The following NME9 variants were observed in gnomAD, a reference collection of about 807,000 sequenced individuals.
The protein encoded by NME9 is NME/NM23 family member 9.
A neutral mutation model predicts 44.4 loss-of-function variants in NME9; 48 were observed. That is an observed-to-expected ratio of 1.08 (90% confidence interval 0.86 to 1.37). The LOEUF (loss-of-function observed/expected upper bound fraction) is 1.37, where lower values mean the gene tolerates loss of function less well. Among genes scored for constraint, NME9 ranks in the 40% most tolerant of loss-of-function variants. NME9 has a pLI of 0.00. For synonymous variants in NME9, 139 were observed against 147.1 expected (o/e 0.94, Z 0.40); for missense variants, 325 against 405.2 (o/e 0.80, Z 1.70).
chr3:138,264,149 C>T (rs1455969668), intron 8 of NME9: 2 of 1,613,580 alleles, frequency 1.2e-6, no homozygotes, highest in South Asian at 1.1e-5. Flanking sequence ...ACAGTTTATC[C>T]AGATCTGTGC....
chr3:138,264,738 A>G (rs577670632), intron 8 of NME9, among the ~76,000 whole-genome samples: 2 of 149,676 alleles, frequency 1.3e-5, no homozygotes, highest in Admixed American at 1.3e-4. Flanking sequence ...TTCTTTTATT[A>G]ACTAAGCTTT....
At chr3:138,288,268 C>G (rs1371876219) in intron 8 of NME9, among the ~76,000 whole-genome samples, 1 of 152,126 alleles carries the variant, frequency 6.6e-6, no homozygotes, top group African/African-American at 2.4e-5. Context: ...AATTATTGGG[C>G]CATTTGAATA....
intron 8 of NME9, among the ~76,000 whole-genome samples, chr3:138,271,798 C>CTTTCTTTTTTTTTTTTTT (rs1018824241): frequency 2.6e-4 from 35 of 136,134 alleles, no homozygotes; most frequent in African/African-American, 9.1e-4. Flanking sequence ...TTTTTTCTTT[C>CTTTCTTTTTTTTTTTTTT]TTTTTTTTTT....
At chr3:138,289,288 A>G in intron 8 of NME9, among the ~76,000 whole-genome samples, 1 of 152,166 alleles carries the variant, frequency 6.6e-6, no homozygotes, top group African/African-American at 2.4e-5. Flanking sequence ...AACTAGCCCA[A>G]GTCAGCTGGT....
intron 6 of NME9, among the ~76,000 whole-genome samples, chr3:138,309,552 G>A (rs1310436047): frequency 6.6e-6 from 1 of 151,998 alleles, no homozygotes; most frequent in African/African-American, 2.4e-5. Flanking sequence ...GGGCATGGTG[G>A]CACACGCCTG....
At chr3:138,309,753 T>TG (rs1340659338) in intron 6 of NME9, among the ~76,000 whole-genome samples, 4 of 148,978 alleles carry the variant, frequency 2.7e-5, no homozygotes, top group African/African-American at 9.9e-5. Flanking sequence ...AAAAGCCAGA[T>TG]GCAGTGGCTC....
chr3:138,312,094 T>C (rs1317187056), intron 6 of NME9, among the ~76,000 whole-genome samples: 2 of 152,032 alleles, frequency 1.3e-5, no homozygotes, highest in Non-Finnish European at 2.9e-5. Context: ...TATGATACAC[T>C]GATGAAAGAA....
chr3:138,292,584 G>C (rs930350348), intron 8 of NME9, among the ~76,000 whole-genome samples: 5 of 152,176 alleles, frequency 3.3e-5, no homozygotes, highest in African/African-American at 9.7e-5. Context: ...AATGTCTAGG[G>C]TTTTAGCCTG....
rs2052246462 is a variant in NME9 at position 138,306,194 on chromosome 3, C to CTT, written c.544-99_544-98insAA. 2.9e-5 allele frequency: 28 copies of CTT among 960,400 alleles called. No homozygotes were observed. In the South Asian group the frequency reaches 3.3e-4, roughly 11 times the overall value. 59.5% of individuals were successfully genotyped at this position (960,400 alleles called of 1,614,324 possible). A position where few individuals can be genotyped will look rare whatever the true frequency, so the allele number is the denominator to read the frequency against. ...AAAGGTAAAAAATAAAGACAGGCAA[C>CTT]ATTAAAGGCTGTGGAGACACTGATC... On this transcript the variant is annotated intron_variant, in intron 7 of 10. Coordinates refer to ENST00000333911, the MANE Select transcript of NME9 (RefSeq NM_001349018.2).
At chr3:138,313,421 A>G (rs1049692788) in intron 6 of NME9, among the ~76,000 whole-genome samples, 8 of 152,092 alleles carry the variant, frequency 5.3e-5, no homozygotes, top group African/African-American at 1.9e-4. Flanking sequence ...CAAAAAAAAG[A>G]ATAATGAGGT....
At chr3:138,308,945 G>GAAA (rs1002890235) in intron 6 of NME9, among the ~76,000 whole-genome samples, 878 of 52,792 alleles carry the variant, frequency 0.017, 25 homozygotes, top group African/African-American at 0.037. Context: ...AATACTGAAA[G>GAAA]AAAAAAAAAA....
intron 8 of NME9, 166 bp downstream of exon 8, chr3:138,305,838 C>T: frequency 1.8e-6 from 1 of 570,092 alleles, no homozygotes; most frequent in Non-Finnish European, 3.2e-6. Context: ...AAAACTTTAC[C>T]TGATACAGCC....
At chr3:138,300,361 C>T (rs765732936), downstream of NME9, among the ~76,000 whole-genome samples, 4 of 152,086 alleles carry the variant, frequency 2.6e-5, no homozygotes, top group Non-Finnish European at 2.9e-5. Flanking sequence ...GATGCACCCA[C>T]GAAAATGTCC....
intron 8 of NME9, chr3:138,287,545 T>C (rs2108372879): frequency 2.3e-6 from 1 of 428,056 alleles, no homozygotes; most frequent in South Asian, 1.7e-5. Context: ...ATATTTGTTA[T>C]AGTATATACA....
At chr3:138,278,648 G>A (rs186971302) in intron 8 of NME9, among the ~76,000 whole-genome samples, 3 of 152,106 alleles carry the variant, frequency 2.0e-5, no homozygotes, top group Admixed American at 1.3e-4. Flanking sequence ...ATAAATTTGG[G>A]AGGACGTGAC....
At chr3:138,264,337 T>C in intron 8 of NME9, 1 of 625,364 alleles carries the variant, frequency 1.6e-6, no homozygotes, top group South Asian at 2.3e-5. Flanking sequence ...TGAACGTTTA[T>C]CTCCTCAAAT....
intron 8 of NME9, chr3:138,262,632 A>T: frequency 6.6e-7 from 1 of 1,519,278 alleles, no homozygotes; most frequent in Non-Finnish European, 8.8e-7. Flanking sequence ...CCTAGCCCTG[A>T]CCCTGGAGAA....
At chr3:138,302,068 G>T (rs2051886679) in intron 10 of NME9, among the ~76,000 whole-genome samples, 1 of 152,166 alleles carries the variant, frequency 6.6e-6, no homozygotes, top group African/African-American at 2.4e-5. Flanking sequence ...AGGCTCTTCA[G>T]CTGGGGAATA....
chr3:138,284,042 CAAAG>C (rs764060678), intron 8 of NME9, among the ~76,000 whole-genome samples: 30 of 152,118 alleles, frequency 2.0e-4, no homozygotes, highest in Non-Finnish European at 2.9e-4. Context: ...GAGCTTCCAC[CAAAG>C]AGACTACATT....
Sources: gnomAD v4.1 joint callset for allele counts (sites outside exome capture counted in the v4.1 genomes callset) on GRCh38, gnomAD v4.1.1 for gene constraint, MANE v1.5 for transcripts, NCBI Gene and HGNC (gene_info 2026-07-23, HGNC 2026-07-21) for gene names.